Variants in RFFL observed in about 807,000 individuals in gnomAD.
RFFL encodes ring finger and FYVE like domain containing E3 ubiquitin protein ligase, also known as E3 ubiquitin-protein ligase rififylin.
A neutral mutation model predicts 40.4 loss-of-function variants in RFFL; 16 were observed. That is an observed-to-expected ratio of 0.40 (90% CI 0.27 to 0.60). The LOEUF is 0.60. Among genes scored for constraint, RFFL ranks in the 20% least tolerant of loss-of-function variants. The pLI is 0.47. For missense variants in RFFL, 367 were observed against 451.7 expected (o/e 0.81, Z 1.70); for synonymous variants, 154 against 167.9 (o/e 0.92, Z 0.64).
intron 1 of RFFL, among the ~76,000 whole-genome samples, chr17:35,059,159 C>T (rs934268348): frequency 5.3e-5 from 8 of 151,778 alleles, no homozygotes; most frequent in Admixed American, 3.9e-4. Context: ...GGTGGGATTA[C>T]AGGTGCCCAC....
chr17:35,048,960 AAATG>A (rs1324826185), intron 1 of RFFL, among the ~76,000 whole-genome samples: 3 of 152,210 alleles, frequency 2.0e-5, no homozygotes, highest in East Asian at 1.9e-4. Flanking sequence ...CAAGCAGCAG[AAATG>A]AATGGTGATT....
upstream of RFFL, among the ~76,000 whole-genome samples, chr17:35,066,078 G>T (rs1233937146): frequency 6.6e-6 from 1 of 152,128 alleles, no homozygotes; most frequent in African/African-American, 2.4e-5. Context: ...AGCCGAGATT[G>T]CGCCACTGCA....
upstream of RFFL, among the ~76,000 whole-genome samples, chr17:35,064,884 G>A (rs1480143964): frequency 6.6e-6 from 1 of 152,198 alleles, no homozygotes; most frequent in Non-Finnish European, 1.5e-5. Flanking sequence ...GTTTTAAAAA[G>A]TTATTTATCC....
chr17:35,059,658 G>A (rs1304412244), intron 1 of RFFL, among the ~76,000 whole-genome samples: 2 of 152,022 alleles, frequency 1.3e-5, no homozygotes, highest in African/African-American at 2.4e-5. Flanking sequence ...ATTCTTTCTC[G>A]TATTCATCAA....
intron 1 of RFFL, among the ~76,000 whole-genome samples, chr17:35,032,064 C>T (rs1045585502): frequency 3.4e-5 from 5 of 148,156 alleles, no homozygotes; most frequent in Admixed American, 2.7e-4. Flanking sequence ...CACTGCACTC[C>T]AGCCTGGGCG....
At position 35,009,357 on chromosome 17, in the gene RFFL, C is replaced by T. The variant is rs1195809295; in HGVS notation, c.*2611G>A. 1.3e-5 allele frequency: 2 copies of T among 152,292 alleles called. No homozygotes were observed. The highest frequency in any genetic ancestry group is 2.1e-4 in the South Asian group (1 of 4,832). The allele number at this position is 152,292 out of a possible 1,614,324, so 9.4% of individuals were successfully genotyped here. ...TTCCAATGTATTATGAACCAGTCAGCTATCTGTCTTTTGAAACAAGTCTTA... is the reference window on the plus strand; with the variant it reads ...TTCCAATGTATTATGAACCAGTCAGTTATCTGTCTTTTGAAACAAGTCTTA... On this transcript the variant is annotated 3_prime_UTR_variant, in exon 7 of 7. Coordinates refer to ENST00000394597, the MANE Select transcript of RFFL (RefSeq NM_001017368.2).
chr17:35,069,221 C>T (rs1008532295), intron 1 of RFFL: 7 of 456,400 alleles, frequency 1.5e-5, no homozygotes, highest in Admixed American at 9.4e-5. Context: ...ACACACATGC[C>T]CTGCCTCCAA....
chr17:35,011,182 TCCCAAGAGAAGCAGCAGCAGGGATTATG>T lies in RFFL; in HGVS notation c.*758_*785del, dbSNP rs2142310402. The T allele has an allele frequency of 6.6e-6, 1 of 152,212 alleles. No individual in the cohort carries two copies. The highest frequency in any genetic ancestry group is 2.4e-5 in the African/African-American group (1 of 41,518). 9.4% of individuals were successfully genotyped at this position (152,212 alleles called of 1,614,324 possible). A position where few individuals can be genotyped will look rare whatever the true frequency, so the allele number is the denominator to read the frequency against. ...TAAACTAAGGATGGTGCAAATCAGG[TCCCAAGAGAAGCAGCAGCAGGGATTATG>T]CACGCACTATCCCTTGCAGACAGAA... On this transcript the variant is annotated 3_prime_UTR_variant, in exon 7 of 7. Transcript: ENST00000394597.
At chr17:35,045,396 C>A (rs2142350592) in intron 1 of RFFL, among the ~76,000 whole-genome samples, 1 of 151,984 alleles carries the variant, frequency 6.6e-6, no homozygotes, top group African/African-American at 2.4e-5. Context: ...CCATGCCTGG[C>A]TAATTTTTTG....
chr17:35,078,289 G>C (rs1384014417), intron 1 of RFFL, among the ~76,000 whole-genome samples: 1 of 152,086 alleles, frequency 6.6e-6, no homozygotes, highest in African/African-American at 2.4e-5. Flanking sequence ...CTCCAATAAA[G>C]AAGTTATTTG....
intron 1 of RFFL, among the ~76,000 whole-genome samples, chr17:35,047,887 G>A (rs1052587928): frequency 6.6e-6 from 1 of 151,864 alleles, no homozygotes; most frequent in Non-Finnish European, 1.5e-5. Flanking sequence ...AAGTAGCTGG[G>A]ATTACAGGTG....
chr17:35,075,113 C>T (rs1330069639), intron 1 of RFFL, among the ~76,000 whole-genome samples: 4 of 152,164 alleles, frequency 2.6e-5, no homozygotes, highest in African/African-American at 9.7e-5. Flanking sequence ...CTCCTGTTCC[C>T]CATCCCTCTT....
intron 1 of RFFL, among the ~76,000 whole-genome samples, chr17:35,034,052 A>C (rs1427120672): frequency 6.6e-6 from 1 of 151,130 alleles, no homozygotes; most frequent in Non-Finnish European, 1.5e-5. Flanking sequence ...CTGAGGCAGG[A>C]GAATGGCGTG....
chr17:35,031,890 C>T (rs1597821035), intron 1 of RFFL, among the ~76,000 whole-genome samples: 1 of 151,696 alleles, frequency 6.6e-6, no homozygotes, highest in African/African-American at 2.4e-5. Flanking sequence ...GGTCAGGAGA[C>T]CAAGACCATC....
In RFFL at chr17:35,055,688, ACAAACAAAC is replaced by A. The variant is rs1567712235; in HGVS notation, c.-9+7879_-9+7887del. On this transcript the variant is annotated intron_variant, in intron 1 of 6. Coordinates refer to ENST00000394597, the MANE Select transcript of RFFL (RefSeq NM_001017368.2). ...CTCCATCTCAAAAAAAAACAAACAA[ACAAACAAAC>A]AAAAAAAAAACATTAATCAGGCTGG... 2.5e-3 allele frequency among the ~76,000 whole-genome samples: 362 copies of A among 146,364 alleles called. 10 individuals are homozygous for A. Among genetic ancestry groups the A allele is most frequent in the African/African-American group, 9.6e-3 (350 of 36,426 alleles).
rs79196197 is a variant in RFFL at position 35,016,289 on chromosome 17, G to C, written c.886+81C>G. On this transcript the variant is annotated intron_variant, in intron 5 of 6. Coordinates refer to ENST00000394597, the MANE Select transcript of RFFL (RefSeq NM_001017368.2). ...TCCATGGCTTAAGTGTGGAAATTGA[G>C]TCAGGTCAATACCATCATGCTTTGG... The C allele has an allele frequency of 4.7e-3, 5,858 of 1,243,506 alleles. 185 individuals are homozygous for C. The African/African-American group carries it at 0.076, about 16-fold the overall frequency. 77.0% of individuals were successfully genotyped at this position (1,243,506 alleles called of 1,614,324 possible).
rs1004791856 is a variant in RFFL at position 35,087,086 on chromosome 17, G to A, written c.-9+2019C>T. Among the ~76,000 whole-genome samples the A allele has an allele frequency of 1.5e-4, 23 of 152,114 alleles. 1 individual carries two copies. The highest frequency in any genetic ancestry group is 8.5e-4 in the Admixed American group (13 of 15,276). ...CCCTTAAGAGGTGTTCCGGCCTGGC[G>A]CGGTGGCTCACATCTGTAATCTCAG... On this transcript the variant is annotated intron_variant, in intron 1 of 6. Coordinates refer to the RFFL transcript ENST00000315249.
At chr17:35,016,686 C>A in intron 4 of RFFL, 106 bp from the exon 5 acceptor site, 2 of 818,638 alleles carry the variant, frequency 2.4e-6, no homozygotes, top group South Asian at 1.6e-5. Context: ...TGACTGACCT[C>A]ATGAAGGGTA....
chr17:35,072,061 G>T (rs993365235), intron 1 of RFFL, among the ~76,000 whole-genome samples: 1 of 151,830 alleles, frequency 6.6e-6, no homozygotes, highest in Non-Finnish European at 1.5e-5. Context: ...CGGACAAATC[G>T]CTTGAGCTCA....
Sources: gnomAD v4.1 joint callset for allele counts (sites outside exome capture counted in the v4.1 genomes callset) on GRCh38, gnomAD v4.1.1 for gene constraint, MANE v1.5 for transcripts, NCBI Gene and HGNC (gene_info 2026-07-23, HGNC 2026-07-21) for gene names.